Variants in NOXRED1 observed in about 807,000 individuals in gnomAD.
The protein encoded by NOXRED1 is NADP dependent oxidoreductase domain containing 1.
A neutral mutation model predicts 30.4 loss-of-function variants in NOXRED1; 20 were observed. That is an observed-to-expected ratio of 0.66 (90% CI 0.46 to 0.96). The LOEUF is 0.96. Ranked by LOEUF, NOXRED1 falls within the 40% of genes least tolerant of loss-of-function variation. The pLI is 0.00. For synonymous variants in NOXRED1, 155 were observed against 168.0 expected (o/e 0.92, Z 0.60); for missense variants, 374 against 428.0 (o/e 0.87, Z 1.11).
chr14:77,412,940 C>G (rs1288253118), intron 2 of NOXRED1, among the ~76,000 whole-genome samples: 5 of 151,068 alleles, frequency 3.3e-5, no homozygotes, highest in Non-Finnish European at 7.4e-5. Flanking sequence ...AAGGAAATAA[C>G]CCGAGTAGAT....
At chr14:77,425,449 C>T (rs1378848660), upstream of NOXRED1, among the ~76,000 whole-genome samples, 2 of 152,174 alleles carry the variant, frequency 1.3e-5, no homozygotes, top group African/African-American at 4.8e-5. Context: ...TGAACCCTAA[C>T]CAATATACTA....
rs200747982 is a variant in NOXRED1, at chr14:77,406,624, C to T, written c.682+100G>A. ...ACACACACACACACACACACACACA[C>T]ACACACACACAGAGAGAGAGAGATT... On this transcript the variant is annotated intron_variant, in intron 4 of 5. Transcript: ENST00000380835. 1.1e-5 allele frequency: 6 copies of T among 523,404 alleles called. No homozygotes were observed. In the East Asian group the frequency reaches 2.5e-4, roughly 22 times the overall value. The allele number at this position is 523,404 out of a possible 1,614,324, so 32.4% of individuals were successfully genotyped here. A position where few individuals can be genotyped will look rare whatever the true frequency, so the allele number is the denominator to read the frequency against.
At chr14:77,406,518 T>C in intron 4 of NOXRED1, 1 of 645,866 alleles carries the variant, frequency 1.5e-6, no homozygotes, top group Non-Finnish European at 2.7e-6. Flanking sequence ...GGTTTTAATT[T>C]GTCCTTAAGA....
At chr14:77,407,033 C>T (rs918066257) in intron 3 of NOXRED1, among the ~76,000 whole-genome samples, 158 bp from the exon 4 acceptor site, 35 of 152,222 alleles carry the variant, frequency 2.3e-4, no homozygotes, top group African/African-American at 8.0e-4. Flanking sequence ...ATTAACTGGA[C>T]TGTTCATCCA....
At chr14:77,415,278 T>C (rs1459765068) in intron 1 of NOXRED1, among the ~76,000 whole-genome samples, 2 of 151,380 alleles carry the variant, frequency 1.3e-5, no homozygotes, top group Non-Finnish European at 2.9e-5. Flanking sequence ...GTTAATTATA[T>C]GCACATTGTG....
At chr14:77,419,502 G>A (rs1894928772) in intron 1 of NOXRED1, among the ~76,000 whole-genome samples, 1 of 127,210 alleles carries the variant, frequency 7.9e-6, no homozygotes, top group Non-Finnish European at 1.6e-5. Flanking sequence ...AGGCTGGACT[G>A]CAGTGGTGCA....
intron 5 of NOXRED1, among the ~76,000 whole-genome samples, chr14:77,397,841 C>T (rs1246741897): frequency 6.7e-6 from 1 of 148,660 alleles, no homozygotes; most frequent in Non-Finnish European, 1.5e-5. Context: ...GAGATTGCAC[C>T]ACTCACTCCA....
chr14:77,425,850 G>T (rs1350493129), upstream of NOXRED1, among the ~76,000 whole-genome samples: 1 of 152,264 alleles, frequency 6.6e-6, no homozygotes, highest in Non-Finnish European at 1.5e-5. Context: ...TTGCCTTAAG[G>T]CATGGCATGT....
intron 2 of NOXRED1, among the ~76,000 whole-genome samples, chr14:77,408,901 T>TTTTTTTTTTC (rs1894561170): frequency 7.7e-6 from 1 of 129,806 alleles, no homozygotes; most frequent in Non-Finnish European, 1.7e-5. Flanking sequence ...AATTTTTTTT[T>TTTTTTTTTTC]TTTTTTTTTT....
intron 3 of NOXRED1, among the ~76,000 whole-genome samples, 192 bp from the exon 4 acceptor site, chr14:77,407,067 A>G (rs1894488754): frequency 6.6e-6 from 1 of 152,214 alleles, no homozygotes. Flanking sequence ...TACTTATTGA[A>G]TGTTATGTGC....
At position 77,403,450 on chromosome 14, in the gene NOXRED1, T is replaced by C. The variant is rs187994772; in HGVS notation, c.905+2463A>G. Among the ~76,000 whole-genome samples, 86 of 152,240 alleles carry C rather than the reference T, an allele frequency of 5.6e-4. 1 individual carries two copies. The highest frequency in any genetic ancestry group is 1.8e-3 in the African/African-American group (75 of 41,538). On this transcript the variant is annotated intron_variant, in intron 5 of 5. Coordinates refer to ENST00000380835, the MANE Select transcript of NOXRED1 (RefSeq NM_001113475.3). Reference sequence around the variant, plus strand: ...TTTACCCCCATCTATTGGATTATTTTGAAGGCAATCCCAGACACTATATTG... The same window carrying C: ...TTTACCCCCATCTATTGGATTATTTCGAAGGCAATCCCAGACACTATATTG...
At chr14:77,412,881 T>C (rs369099042) in intron 2 of NOXRED1, among the ~76,000 whole-genome samples, 1 of 151,412 alleles carries the variant, frequency 6.6e-6, no homozygotes, top group African/African-American at 2.4e-5. Context: ...TACAAACAAC[T>C]GTATACAGTG....
In NOXRED1 at chr14:77,407,584, G is replaced by A. The variant is rs149967833; in HGVS notation, c.411C>T (p.Ala137=). The A allele has an allele frequency of 1.3e-3, 2,139 of 1,613,882 alleles. 28 individuals are homozygous for A. In the African/African-American group the frequency reaches 0.025, roughly 19 times the overall value. Residue 137 remains alanine (A), a synonymous_variant, in exon 3 of 6, where the codon GCC becomes GCT. Coordinates refer to ENST00000380835, the MANE Select transcript of NOXRED1 (RefSeq NM_001113475.3). ...GCAAGCAGCAGAGGAATATCACATCGGCCCAACTCACCAGATCAGCGTTAT... is the reference window on the plus strand; with the variant it reads ...GCAAGCAGCAGAGGAATATCACATCAGCCCAACTCACCAGATCAGCGTTAT... ...FYHNADLVSW[A]DVIFLCCLPS... is the part of the protein sequence containing the mutation.
At chr14:77,398,441 G>T (rs1894241629) in intron 5 of NOXRED1, among the ~76,000 whole-genome samples, 1 of 152,118 alleles carries the variant, frequency 6.6e-6, no homozygotes, top group Non-Finnish European at 1.5e-5. Flanking sequence ...GAGCCTAACT[G>T]ACCTGGGGGA....
chr14:77,424,600 T>TAATG (rs1461844047), upstream of NOXRED1, among the ~76,000 whole-genome samples: 2 of 152,362 alleles, frequency 1.3e-5, no homozygotes, highest in Admixed American at 1.3e-4. Context: ...TGTTGCCAAG[T>TAATG]AATGCTTCCT....
chr14:77,404,742 C>T (rs937972753), intron 5 of NOXRED1, among the ~76,000 whole-genome samples: 4 of 151,664 alleles, frequency 2.6e-5, no homozygotes, highest in African/African-American at 4.8e-5. Context: ...ATGAGGAGAA[C>T]GGGAGGGATC....
At chr14:77,410,242 C>G (rs1894613278) in intron 2 of NOXRED1, among the ~76,000 whole-genome samples, 1 of 151,786 alleles carries the variant, frequency 6.6e-6, no homozygotes, top group Non-Finnish European at 1.5e-5. Flanking sequence ...AGACTAGCCT[C>G]GGCATTAGAG....
At chr14:77,412,611 C>G (rs1894689429) in intron 2 of NOXRED1, among the ~76,000 whole-genome samples, 1 of 152,166 alleles carries the variant, frequency 6.6e-6, no homozygotes, top group Non-Finnish European at 1.5e-5. Context: ...CTCCTGGGTT[C>G]AAGTGATTTG....
rs764361487 is a variant in NOXRED1 at position 77,406,628 on chromosome 14, CACACACAGAGAG to C, written c.682+84_682+95del. The stretch of plus-strand genomic sequence containing the variant: ...ACACACACACACACACACACACACA[CACACACAGAGAG>C]AGAGAGATTGATTTAATAAGATAGC... On this transcript the variant is annotated intron_variant, in intron 4 of 5. Coordinates refer to ENST00000380835, the MANE Select transcript of NOXRED1 (RefSeq NM_001113475.3). The C allele has an allele frequency of 3.9e-3, 1,615 of 415,384 alleles. 15 individuals are homozygous for C. The African/African-American group carries it at 0.046, about 12-fold the overall frequency. 25.7% of individuals were successfully genotyped at this position (415,384 alleles called of 1,614,324 possible). A position where few individuals can be genotyped will look rare whatever the true frequency, so the allele number is the denominator to read the frequency against.
Sources: gnomAD v4.1 joint callset for allele counts (sites outside exome capture counted in the v4.1 genomes callset) on GRCh38, gnomAD v4.1.1 for gene constraint, MANE v1.5 for transcripts, NCBI Gene and HGNC (gene_info 2026-07-23, HGNC 2026-07-21) for gene names.